The following MEIOB variants were observed in gnomAD, a reference collection of about 807,000 sequenced individuals.
The protein encoded by MEIOB is meiosis specific with OB-fold, also known as meiosis-specific with OB domain-containing protein.
Under a neutral mutation model 53.1 loss-of-function variants are expected in MEIOB, and 50 were observed. That is an observed-to-expected ratio of 0.94 (90% CI 0.75 to 1.19). The LOEUF is 1.19. Ranked by LOEUF, MEIOB falls within the 50% of genes most tolerant of loss-of-function variation. MEIOB has a pLI of 0.00. For synonymous variants in MEIOB, 192 were observed against 182.5 expected (o/e 1.05, Z -0.42); for missense variants, 551 against 550.8 (o/e 1.00, Z 0.00).
intron 5 of MEIOB, among the ~76,000 whole-genome samples, chr16:1,858,153 A>G (rs1899355808): frequency 6.6e-6 from 1 of 152,186 alleles, no homozygotes; most frequent in African/African-American, 2.4e-5. Flanking sequence ...GGTTCTAAAC[A>G]TACCATTTGT....
intron 13 of MEIOB, 50 bp from the exon 14 acceptor site, chr16:1,834,416 C>T (rs1898684368): frequency 2.0e-6 from 2 of 982,176 alleles, no homozygotes; most frequent in Non-Finnish European, 1.6e-6. Flanking sequence ...TTAAAATCCC[C>T]TTGTATATCA....
At chr16:1,857,958 T>C (rs748148897) in intron 5 of MEIOB, 28 bp from the exon 6 acceptor site, 23 of 1,408,112 alleles carry the variant, frequency 1.6e-5, no homozygotes, top group Non-Finnish European at 2.2e-5. Flanking sequence ...AAGAAAGTTA[T>C]TTGAAAGTGA....
chr16:1,848,674 C>T (rs1187714260), intron 9 of MEIOB, among the ~76,000 whole-genome samples: 1 of 151,702 alleles, frequency 6.6e-6, no homozygotes, highest in Admixed American at 6.6e-5. Flanking sequence ...TCCCTAGTAG[C>T]TGGGACTATA....
Position 1,851,587 on chromosome 16 carries a change from C to T in MEIOB, c.778+1452G>A, listed in dbSNP as rs561298234. Reference sequence around the variant, plus strand: ...TAAATTAGTTCAGTGAAGAGCAATTCGGGGCATGCACATCTCCTCCCATGG... The same window carrying T: ...TAAATTAGTTCAGTGAAGAGCAATTTGGGGCATGCACATCTCCTCCCATGG... On this transcript the variant is annotated intron_variant, in intron 9 of 13. Coordinates refer to ENST00000325962, the MANE Select transcript of MEIOB (RefSeq NM_001163560.3). 2.6e-5 allele frequency among the ~76,000 whole-genome samples: 4 copies of T among 152,264 alleles called. No individual in the cohort carries two copies. In the South Asian group the frequency reaches 6.2e-4, roughly 24 times the overall value.
intron 9 of MEIOB, among the ~76,000 whole-genome samples, chr16:1,852,315 C>T (rs2754185): frequency 0.83 from 121,522 of 145,876 alleles, 50,514 homozygotes; most frequent in Middle Eastern, 0.91. Flanking sequence ...CAGGCTGGAG[C>T]GCAGTGGTGC....
Position 1,857,566 on chromosome 16 carries a change from C to T in MEIOB, c.528+169G>A, listed in dbSNP as rs1259307882. On this transcript the variant is annotated intron_variant, in intron 6 of 13. Transcript: ENST00000325962. ...TTACTACTCATCCACAGATAAAAAG[C>T]TAGTTTCCCTTTAATGAGAAGTGTT... The T allele has an allele frequency of 4.9e-5, 27 of 545,880 alleles. No homozygotes were observed. In the South Asian group the frequency reaches 6.3e-4, roughly 13 times the overall value. 33.8% of individuals were successfully genotyped at this position (545,880 alleles called of 1,614,324 possible). A position where few individuals can be genotyped will look rare whatever the true frequency, so the allele number is the denominator to read the frequency against.
intron 9 of MEIOB, among the ~76,000 whole-genome samples, chr16:1,852,254 CTTTTTTTTTT>C (rs56066518): frequency 4.3e-4 from 40 of 93,998 alleles, no homozygotes; most frequent in African/African-American, 1.2e-3. Flanking sequence ...TGGTTTTTCA[CTTTTTTTTTT>C]TTTTTTTTTT....
At chr16:1,848,576 T>C (rs1899080987) in intron 9 of MEIOB, among the ~76,000 whole-genome samples, 1 of 138,210 alleles carries the variant, frequency 7.2e-6, no homozygotes, top group Non-Finnish European at 1.5e-5. Flanking sequence ...AGAGTCTCAC[T>C]CTGTTGCCCA....
intron 6 of MEIOB, among the ~76,000 whole-genome samples, chr16:1,854,487 C>A (rs899986041): frequency 3.3e-5 from 5 of 152,220 alleles, no homozygotes; most frequent in South Asian, 2.1e-4. Context: ...CCATGACAGG[C>A]CCCTCTGGGG....
At chr16:1,835,526 G>A (rs1898720540) in intron 13 of MEIOB, among the ~76,000 whole-genome samples, 1 of 152,128 alleles carries the variant, frequency 6.6e-6, no homozygotes, top group Non-Finnish European at 1.5e-5. Context: ...ACCAACATCA[G>A]GGAAAACTGG....
chr16:1,857,708 C>T, intron 6 of MEIOB, 27 bp downstream of exon 6: 1 of 1,543,748 alleles, frequency 6.5e-7, no homozygotes, highest in Middle Eastern at 1.7e-4. Context: ...CCAGATTGCA[C>T]TTGGCTTTGT....
Position 1,853,082 on chromosome 16 carries a change from C to A in MEIOB, c.735G>T (p.Met245Ile). Residue 245 changes from methionine to isoleucine, a missense_variant, in exon 9 of 14, where the codon ATG becomes ATT. By Grantham distance (10) the Met-to-Ile change is conservative. Transcript: ENST00000325962. ...TGGTTTTTGAGATTACAGTTGCTGT[C>A]ATGCAGTTCCGAAATTTGTCAAAAT... The part of the protein sequence containing the change: ...RINFDKFRNC[M>I]TATVISKTII... The A allele has an allele frequency of 6.2e-7, 1 of 1,612,990 alleles. No individual in the cohort carries two copies. The highest frequency in any genetic ancestry group is 1.1e-5 in the South Asian group (1 of 91,002).
chr16:1,853,356 A>G, intron 7 of MEIOB, 85 bp from the exon 8 acceptor site: 2 of 1,125,374 alleles, frequency 1.8e-6, no homozygotes, highest in Non-Finnish European at 2.6e-6. Flanking sequence ...AATAAAAGAA[A>G]GCTTCAGTGG....
chr16:1,852,254 CTTTTTTT>C (rs56066518), intron 9 of MEIOB, among the ~76,000 whole-genome samples: 5 of 94,012 alleles, frequency 5.3e-5, no homozygotes, highest in Non-Finnish European at 7.8e-5. Flanking sequence ...TGGTTTTTCA[CTTTTTTT>C]TTTTTTTTTT....
intron 3 of MEIOB, among the ~76,000 whole-genome samples, chr16:1,862,549 G>T (rs1157350452): frequency 6.6e-6 from 1 of 152,208 alleles, no homozygotes; most frequent in Non-Finnish European, 1.5e-5. Flanking sequence ...AAGCCCAAAA[G>T]TTCAAGGCTT....
rs912863649 is a variant in MEIOB, at chr16:1,865,826, C to A, written c.79G>T (p.Gly27Cys). The change falls in exon 3 of 14, where the codon GGT becomes TGT. Residue 27 changes from glycine to cysteine, a missense_variant. Gly to Cys is a radical substitution (Grantham distance 159). Transcript: ENST00000325962. ...QTNMANLKVI[G>C]IVIGKTDVKG... is the part of the protein sequence containing the mutation. Reference sequence around the variant, plus strand: ...ACATCTGTTTTCCCAATAACTATACCGATAACTTTCTGAAAAACAAAAAGG... The same window carrying A: ...ACATCTGTTTTCCCAATAACTATACAGATAACTTTCTGAAAAACAAAAAGG... 19 of 1,545,598 alleles carry A rather than the reference C, an allele frequency of 1.2e-5. No individual in the cohort carries two copies. Among genetic ancestry groups the A allele is most frequent in the Non-Finnish European group, 1.7e-5 (19 of 1,145,148 alleles).
At chr16:1,855,345 T>C (rs1006305195) in intron 6 of MEIOB, among the ~76,000 whole-genome samples, 3 of 151,988 alleles carry the variant, frequency 2.0e-5, no homozygotes, top group Non-Finnish European at 2.9e-5. Context: ...GGCAGGAGAA[T>C]TGCTTGAACC....
At chr16:1,857,659 T>C in intron 6 of MEIOB, 76 bp downstream of exon 6, 1 of 1,173,522 alleles carries the variant, frequency 8.5e-7, no homozygotes, top group Non-Finnish European at 1.2e-6. Flanking sequence ...TCGTGACCAC[T>C]CCATCCCAAA....
chr16:1,865,118 T>C (rs1899550638), intron 3 of MEIOB, among the ~76,000 whole-genome samples: 1 of 152,034 alleles, frequency 6.6e-6, no homozygotes, highest in Non-Finnish European at 1.5e-5. Flanking sequence ...ACTCTGTCTC[T>C]ACAAATTTTT....
Sources: allele counts gnomAD v4.1 joint callset (sites outside exome capture counted in the v4.1 genomes callset), GRCh38; gene constraint gnomAD v4.1.1; transcripts MANE v1.5; gene names NCBI Gene and HGNC (gene_info 2026-07-23, HGNC 2026-07-21).